The following ST6GALNAC5 variants were observed in gnomAD, a reference collection of about 807,000 sequenced individuals.
ST6GALNAC5 encodes the protein ST6 N-acetylgalactosaminide alpha-2,6-sialyltransferase 5.
A neutral mutation model predicts 33.6 loss-of-function variants in ST6GALNAC5; 27 were observed. The ratio of observed to expected loss-of-function variants is 0.80; its 90% CI spans 0.59 to 1.11. ST6GALNAC5 has a LOEUF of 1.11. Among genes scored for constraint, ST6GALNAC5 ranks in the 50% least tolerant of loss-of-function variants. The pLI is 0.00. For missense variants in ST6GALNAC5, 428 were observed against 454.0 expected, an observed-to-expected ratio of 0.94 and a Z score of 0.52; for synonymous variants, 194 against 171.2, an observed-to-expected ratio of 1.13 and a Z score of -1.04.
At chr1:76,880,923 G>A (rs1192686793) in intron 2 of ST6GALNAC5, among the ~76,000 whole-genome samples, 1 of 152,162 alleles carries the variant, frequency 6.6e-6, no homozygotes, top group Non-Finnish European at 1.5e-5. Context: ...GAGAATTTCC[G>A]TAACCTGTAG....
At chr1:76,913,057 C>T (rs1487292658) in intron 2 of ST6GALNAC5, among the ~76,000 whole-genome samples, 7 of 152,086 alleles carry the variant, frequency 4.6e-5, no homozygotes, top group African/African-American at 7.2e-5. Flanking sequence ...CGGCTGGTAC[C>T]GTTTGTTCCT....
intron 4 of ST6GALNAC5, among the ~76,000 whole-genome samples, chr1:77,060,867 G>T (rs1652554060): frequency 6.6e-6 from 1 of 152,082 alleles, no homozygotes; most frequent in South Asian, 2.1e-4. Context: ...AAACTTAGAT[G>T]AATCAAATTT....
At chr1:76,986,827 C>A (rs923538249) in intron 2 of ST6GALNAC5, among the ~76,000 whole-genome samples, 2 of 151,766 alleles carry the variant, frequency 1.3e-5, no homozygotes, top group South Asian at 4.2e-4. Flanking sequence ...GAATACTCTG[C>A]AGCCATAAAA....
intron 2 of ST6GALNAC5, among the ~76,000 whole-genome samples, chr1:76,964,701 T>C (rs1008441155): frequency 3.9e-5 from 6 of 152,196 alleles, no homozygotes; most frequent in Non-Finnish European, 1.5e-5. Context: ...GTTGGTTTCC[T>C]GCACCCATTA....
intron 2 of ST6GALNAC5, among the ~76,000 whole-genome samples, chr1:77,005,257 G>A (rs1450533232): frequency 6.6e-6 from 1 of 152,184 alleles, no homozygotes; most frequent in Non-Finnish European, 1.5e-5. Context: ...CGATTTTCCA[G>A]GTGCGTCTGT....
intron 4 of ST6GALNAC5, among the ~76,000 whole-genome samples, chr1:77,058,107 C>G (rs1652459564): frequency 6.6e-6 from 1 of 152,190 alleles, no homozygotes. Flanking sequence ...AGTACAGAAA[C>G]CCCACCTGGG....
intron 3 of ST6GALNAC5, 88 bp downstream of exon 3, chr1:77,044,701 G>A: frequency 6.8e-7 from 1 of 1,476,228 alleles, no homozygotes; most frequent in Non-Finnish European, 9.1e-7. Context: ...TTTGCTACAG[G>A]CTTTTGTTGT....
At chr1:76,884,562 C>G (rs1653851577) in intron 2 of ST6GALNAC5, among the ~76,000 whole-genome samples, 1 of 152,114 alleles carries the variant, frequency 6.6e-6, no homozygotes, top group Admixed American at 6.5e-5. Flanking sequence ...GAGTCCCATT[C>G]AAACCATAGC....
At chr1:77,031,481 A>G (rs999620084) in intron 2 of ST6GALNAC5, among the ~76,000 whole-genome samples, 2 of 152,216 alleles carry the variant, frequency 1.3e-5, no homozygotes, top group East Asian at 1.9e-4. Context: ...TGCAGTCGTC[A>G]GTGTCCAGAA....
chr1:77,054,745 G>A (rs1422306579), intron 4 of ST6GALNAC5, among the ~76,000 whole-genome samples: 1 of 152,134 alleles, frequency 6.6e-6, no homozygotes, highest in Non-Finnish European at 1.5e-5. Flanking sequence ...CCCATCAGGT[G>A]TCCTGGAGGT....
intron 2 of ST6GALNAC5, among the ~76,000 whole-genome samples, chr1:76,998,921 A>G (rs933387911): frequency 1.3e-5 from 2 of 152,198 alleles, no homozygotes; most frequent in Non-Finnish European, 2.9e-5. Context: ...CAGTGTTTTC[A>G]TACCTGGAAT....
intron 2 of ST6GALNAC5, among the ~76,000 whole-genome samples, chr1:76,873,253 T>C (rs1277818606): frequency 6.6e-6 from 1 of 152,234 alleles, no homozygotes; most frequent in African/African-American, 2.4e-5. Flanking sequence ...CATCTTCTTA[T>C]GGACCACATT....
In ST6GALNAC5 at chr1:76,974,773, C is replaced by CTTTTTTTTTTTTTTTTTTTTTTTTTTT. The variant is rs60357939; in HGVS notation, c.262-69405_262-69404insTTTTTTTTTTTTTTTTTTTTTTTTTTT. On this transcript the variant is annotated intron_variant, in intron 2 of 4. Coordinates refer to ENST00000477717, the MANE Select transcript of ST6GALNAC5 (RefSeq NM_030965.3). Reference sequence around the variant, plus strand: ...ATATCTGTAAGTTTTTTCTTTCTTTCTTTTTTTTTTTTTTTTTTTTTTTTT... The same window carrying CTTTTTTTTTTTTTTTTTTTTTTTTTTT: ...ATATCTGTAAGTTTTTTCTTTCTTTCTTTTTTTTTTTTTTTTTTTTTTTTTTTTTTTTTTTTTTTTTTTTTTTTTTTT... Among the ~76,000 whole-genome samples, 5 of 35,246 alleles carry CTTTTTTTTTTTTTTTTTTTTTTTTTTT rather than the reference C, an allele frequency of 1.4e-4. 1 individual carries two copies. The highest frequency in any genetic ancestry group is 2.3e-4 in the Non-Finnish European group (5 of 21,576). The allele number at this position is 35,246 out of a possible 152,430, so 23.1% of individuals were successfully genotyped here. A position where few individuals can be genotyped will look rare whatever the true frequency, so the allele number is the denominator to read the frequency against.
Position 77,044,268 on chromosome 1 carries a change from G to T in ST6GALNAC5, c.326G>T (p.Arg109Leu). The T allele has an allele frequency of 6.2e-7, 1 of 1,613,860 alleles. No individual in the cohort carries two copies. Residue 109 changes from arginine to leucine, a missense_variant, in exon 3 of 5, where the codon CGG (arginine) becomes CTG (leucine). Physicochemically the swap from Arg to Leu is moderately radical, Grantham distance 102 (BLOSUM62 -2). Transcript: ENST00000477717. ...VTSSGHLLHS[R>L]QGSQIDQTEC... is the part of the protein sequence containing the mutation. ...AGCTCAGGGCATCTGCTGCACAGTC[G>T]GCAAGGCTCCCAGATTGACCAGACA...
At chr1:76,871,031 A>G (rs1274459305) in intron 2 of ST6GALNAC5, among the ~76,000 whole-genome samples, 1 of 152,246 alleles carries the variant, frequency 6.6e-6, no homozygotes, top group Non-Finnish European at 1.5e-5. Context: ...ACAGATGGTC[A>G]TATGAAGGTG....
At chr1:76,900,657 C>T (rs113788026) in intron 2 of ST6GALNAC5, among the ~76,000 whole-genome samples, 2 of 152,200 alleles carry the variant, frequency 1.3e-5, no homozygotes, top group South Asian at 2.1e-4. Flanking sequence ...AGCAAGGAAG[C>T]GATCAATCTC....
chr1:76,907,942 G>A (rs17099704), intron 2 of ST6GALNAC5, among the ~76,000 whole-genome samples: 2,087 of 152,162 alleles, frequency 0.014, 48 homozygotes, highest in African/African-American at 0.046. Flanking sequence ...ATATTTATGC[G>A]AACACTTGAG....
At chr1:76,975,527 G>A (rs947183200) in intron 2 of ST6GALNAC5, among the ~76,000 whole-genome samples, 3 of 152,144 alleles carry the variant, frequency 2.0e-5, no homozygotes, top group African/African-American at 7.2e-5. Context: ...ATAAATTGGA[G>A]TTACTTTAAT....
chr1:76,979,042 A>T (rs529186660), intron 2 of ST6GALNAC5, among the ~76,000 whole-genome samples: 4 of 152,156 alleles, frequency 2.6e-5, no homozygotes, highest in Non-Finnish European at 5.9e-5. Context: ...AAAGAAAAAA[A>T]CCTAGGAATA....
Sources: allele counts gnomAD v4.1 joint callset (sites outside exome capture counted in the v4.1 genomes callset), GRCh38; gene constraint gnomAD v4.1.1; transcripts MANE v1.5; gene names NCBI Gene and HGNC (gene_info 2026-07-23, HGNC 2026-07-21).